FGF14: variants seen among roughly 807,000 people sequenced by gnomAD.
FGF14 encodes the protein fibroblast growth factor 14, also known as fibroblast growth factor homologous factor 4.
Under a neutral mutation model 25.5 loss-of-function variants are expected in FGF14, and 5 were observed. The observed-to-expected ratio is 0.20, with a 90% CI of 0.10 to 0.41. The LOEUF (loss-of-function observed/expected upper bound fraction) is 0.41. Ranked by LOEUF, FGF14 falls within the 10% of genes least tolerant of loss-of-function variation. The probability of loss-of-function intolerance (pLI) is 1.00; values close to 1 mark genes in which losing one functional copy is unlikely to be tolerated. For missense variants in FGF14, 222 were observed against 320.1 expected, an observed-to-expected ratio of 0.69 and a Z score of 2.34; for synonymous variants, 138 against 118.3, an observed-to-expected ratio of 1.17 and a Z score of -1.08.
At chr13:101,959,616 T>C (rs2036719340) in intron 1 of FGF14, among the ~76,000 whole-genome samples, 1 of 152,218 alleles carries the variant, frequency 6.6e-6, no homozygotes, top group African/African-American at 2.4e-5. Context: ...TCCCAGCTAC[T>C]GAAACCCTGT....
At chr13:102,077,122 A>G (rs1361480374) in intron 1 of FGF14, among the ~76,000 whole-genome samples, 1 of 152,184 alleles carries the variant, frequency 6.6e-6, no homozygotes, top group Non-Finnish European at 1.5e-5. Flanking sequence ...ATATACAAAA[A>G]TTGGCTCAAA....
intron 1 of FGF14, among the ~76,000 whole-genome samples, chr13:102,339,084 T>TA (rs2056875477): frequency 1.3e-5 from 2 of 150,874 alleles, no homozygotes; most frequent in Non-Finnish European, 3.0e-5. Flanking sequence ...TTTAATCCAA[T>TA]AAGGGGATTA....
At chr13:102,401,275 A>G (rs1595066717) in intron 1 of FGF14, among the ~76,000 whole-genome samples, 1 of 151,828 alleles carries the variant, frequency 6.6e-6, no homozygotes, top group Non-Finnish European at 1.5e-5. Context: ...AAGGGATGCC[A>G]ATAATGGTTT....
At chr13:102,212,193 G>A (rs1193743375) in intron 1 of FGF14, among the ~76,000 whole-genome samples, 6 of 152,138 alleles carry the variant, frequency 3.9e-5, no homozygotes, top group Non-Finnish European at 8.8e-5. Context: ...CTTCTCTGCC[G>A]TCTCAGGCCT....
chr13:102,356,492 A>G (rs1296455709), intron 1 of FGF14, among the ~76,000 whole-genome samples: 1 of 152,230 alleles, frequency 6.6e-6, no homozygotes, highest in Non-Finnish European at 1.5e-5. Flanking sequence ...AACCACATAG[A>G]GTACATTAAG....
intron 1 of FGF14, among the ~76,000 whole-genome samples, chr13:102,092,134 T>C (rs570283432): frequency 4.3e-4 from 66 of 152,316 alleles, no homozygotes; most frequent in African/African-American, 1.4e-3. Flanking sequence ...ACTCTTGATC[T>C]CTTGATGATG....
intron 3 of FGF14, among the ~76,000 whole-genome samples, chr13:101,743,403 G>A (rs1251544757): frequency 6.6e-6 from 1 of 152,042 alleles, no homozygotes; most frequent in African/African-American, 2.4e-5. Flanking sequence ...TGTTTAAGGA[G>A]GAAAATTTAA....
chr13:101,777,061 G>A (rs139722547), intron 3 of FGF14, among the ~76,000 whole-genome samples: 209 of 152,294 alleles, frequency 1.4e-3, no homozygotes, highest in African/African-American at 4.9e-3. Flanking sequence ...TGTTTCAAAA[G>A]GCGAAGTGTT....
intron 1 of FGF14, among the ~76,000 whole-genome samples, chr13:102,336,141 C>T (rs1755555402): frequency 6.6e-6 from 1 of 152,110 alleles, no homozygotes. Flanking sequence ...AATGATTAAG[C>T]TTAGTGAGGA....
intron 3 of FGF14, among the ~76,000 whole-genome samples, chr13:101,866,527 G>T (rs1331212270): frequency 6.6e-6 from 1 of 152,114 alleles, no homozygotes; most frequent in Non-Finnish European, 1.5e-5. Context: ...TACAGGTAAA[G>T]TGCTTAGAAC....
At chr13:102,161,312 A>G (rs2047613246) in intron 1 of FGF14, among the ~76,000 whole-genome samples, 1 of 151,956 alleles carries the variant, frequency 6.6e-6, no homozygotes, top group Non-Finnish European at 1.5e-5. Flanking sequence ...CCTCCCTCTA[A>G]ACAATGAATT....
chr13:102,237,669 G>A (rs1180375924), intron 1 of FGF14, among the ~76,000 whole-genome samples: 6 of 151,160 alleles, frequency 4.0e-5, no homozygotes, highest in Admixed American at 1.3e-4. Flanking sequence ...AGTCATCTAA[G>A]CCATAAATTA....
rs2034919638 is a variant in FGF14, at chr13:101,720,731, A to C, written c.*2100T>G. The C allele has an allele frequency of 6.7e-6, 1 of 149,800 alleles. No individual in the cohort carries two copies. Among genetic ancestry groups the C allele is most frequent in the African/African-American group, 2.6e-5 (1 of 39,124 alleles). 9.3% of individuals were successfully genotyped at this position (149,800 alleles called of 1,614,324 possible). On this transcript the variant is annotated 3_prime_UTR_variant, in exon 5 of 5. Coordinates refer to ENST00000376143, the MANE Select transcript of FGF14 (RefSeq NM_004115.4). ...TAATGGAAGTTATCTAATATATTTT[A>C]ACTGTTCCTGTTAAAAACAATAGGC...
Position 101,712,942 on chromosome 13 carries a change from A to G in FGF14, c.*9889T>C, listed in dbSNP as rs1283956781. The G allele has an allele frequency of 1.3e-5, 2 of 152,202 alleles. No homozygotes were observed. The highest frequency in any genetic ancestry group is 2.4e-5 in the African/African-American group (1 of 41,446). 9.4% of individuals were successfully genotyped at this position (152,202 alleles called of 1,614,324 possible). ...TGAGAAACCACAGGGCTGTCAGTCA[A>G]TTATTAAAACTGAGAAGACGTGTAT... On this transcript the variant is annotated 3_prime_UTR_variant, in exon 5 of 5. Transcript: ENST00000376143.
chr13:102,082,946 A>T (rs2043707009), intron 1 of FGF14, among the ~76,000 whole-genome samples: 3 of 151,882 alleles, frequency 2.0e-5, no homozygotes, highest in South Asian at 4.1e-4. Context: ...AGACAGAGTG[A>T]GACTCCGTCT....
intron 1 of FGF14, chr13:102,373,776 G>A (rs2057954299): frequency 6.6e-6 from 1 of 152,136 alleles, no homozygotes; most frequent in Non-Finnish European, 1.5e-5. Flanking sequence ...CTCATCTTCA[G>A]AGGAGTTCAA....
intron 1 of FGF14, among the ~76,000 whole-genome samples, chr13:101,884,970 A>C (rs992594214): frequency 6.6e-6 from 1 of 152,152 alleles, no homozygotes; most frequent in African/African-American, 2.4e-5. Flanking sequence ...GGAAGGGTGG[A>C]CATGAGTGAA....
intron 1 of FGF14, among the ~76,000 whole-genome samples, chr13:102,196,672 T>A (rs571202239): frequency 9.6e-4 from 146 of 152,334 alleles, no homozygotes; most frequent in African/African-American, 3.4e-3. Flanking sequence ...ACCTCACATA[T>A]AATTTTTTGT....
At chr13:101,903,933 G>T (rs906613497) in intron 1 of FGF14, among the ~76,000 whole-genome samples, 5 of 152,184 alleles carry the variant, frequency 3.3e-5, no homozygotes, top group African/African-American at 1.2e-4. Context: ...TGAAGTCATG[G>T]ATACCTTAAG....
Sources: gnomAD v4.1 joint callset for allele counts (sites outside exome capture counted in the v4.1 genomes callset) on GRCh38, gnomAD v4.1.1 for gene constraint, MANE v1.5 for transcripts, NCBI Gene and HGNC (gene_info 2026-07-23, HGNC 2026-07-21) for gene names.